The following DPP6 variants were observed in gnomAD, a reference collection of about 807,000 sequenced individuals.
DPP6 encodes the protein dipeptidyl peptidase like 6, also known as A-type potassium channel modulatory protein DPP6.
In DPP6, 69 loss-of-function variants were observed where a neutral mutation model predicts 122.6. The ratio of observed to expected loss-of-function variants is 0.56; its 90% CI spans 0.46 to 0.69. DPP6 has a LOEUF of 0.69. Ranked by LOEUF, DPP6 falls within the 30% of genes least tolerant of loss-of-function variation. The pLI is 0.00. For missense variants in DPP6, 928 were observed against 1,116.9 expected (o/e 0.83, Z 2.41); for synonymous variants, 418 against 433.1 (o/e 0.97, Z 0.43).
chr7:154,198,098 T>TA lies in DPP6; in HGVS notation c.243+145036dup, dbSNP rs1360301901. Among the ~76,000 whole-genome samples, 3 of 152,274 alleles carry TA rather than the reference T, an allele frequency of 2.0e-5. No individual in the cohort carries two copies. The East Asian group carries it at 5.8e-4, about 30-fold the overall frequency. ...CCAGATGGCTGTAGATGTGCAAACT[T>TA]ACGATCATCCTGGAGCACGGGGCCC... is the stretch of plus-strand genomic sequence containing the variant. On this transcript the variant is annotated intron_variant, in intron 1 of 25. Coordinates refer to ENST00000377770, the MANE Select transcript of DPP6 (RefSeq NM_130797.4).
At chr7:154,852,656 A>G (rs370385163) in intron 16 of DPP6, among the ~76,000 whole-genome samples, 1 of 152,236 alleles carries the variant, frequency 6.6e-6, no homozygotes, top group Non-Finnish European at 1.5e-5. Flanking sequence ...ACAGCAGTGA[A>G]TCTGACACAT....
intron 1 of DPP6, among the ~76,000 whole-genome samples, chr7:154,129,304 G>A (rs1420145484): frequency 7.2e-5 from 11 of 152,024 alleles, no homozygotes; most frequent in Non-Finnish European, 1.3e-4. Context: ...TTTGTGCCTC[G>A]GTGTGAAAGC....
intron 5 of DPP6, among the ~76,000 whole-genome samples, chr7:154,610,104 G>T (rs768729006): frequency 6.6e-6 from 1 of 152,142 alleles, no homozygotes; most frequent in Non-Finnish European, 1.5e-5. Flanking sequence ...AATAGTCTCT[G>T]ACCCCTGGAA....
At chr7:154,156,236 C>T (rs1216729780) in intron 1 of DPP6, among the ~76,000 whole-genome samples, 17 of 152,370 alleles carry the variant, frequency 1.1e-4, no homozygotes, top group Middle Eastern at 3.4e-3. Flanking sequence ...TTTTGCAGGC[C>T]GGCATGGTAT....
intron 10 of DPP6, among the ~76,000 whole-genome samples, chr7:154,788,622 G>T (rs753948424): frequency 1.3e-5 from 2 of 152,114 alleles, no homozygotes; most frequent in Non-Finnish European, 2.9e-5. Context: ...GATTATTGTG[G>T]AATTTCGGTT....
At chr7:154,383,907 A>C (rs898440227) in intron 1 of DPP6, among the ~76,000 whole-genome samples, 1 of 151,332 alleles carries the variant, frequency 6.6e-6, no homozygotes. Context: ...AAAAAAAAAA[A>C]AGTGTTAATG....
At chr7:154,151,743 C>T (rs369271911) in intron 1 of DPP6, among the ~76,000 whole-genome samples, 3 of 151,908 alleles carry the variant, frequency 2.0e-5, no homozygotes, top group Non-Finnish European at 4.4e-5. Context: ...CCCGTCTCCC[C>T]TACCCCAGGC....
chr7:154,567,368 G>A (rs1409373412), intron 5 of DPP6, among the ~76,000 whole-genome samples: 3 of 152,094 alleles, frequency 2.0e-5, no homozygotes, highest in African/African-American at 7.2e-5. Context: ...CTATTTAAAT[G>A]CCTATTTTTA....
chr7:154,320,001 A>AATATATATATATATATATATATAT (rs71182894), intron 1 of DPP6, among the ~76,000 whole-genome samples: 3 of 139,314 alleles, frequency 2.2e-5, no homozygotes, highest in African/African-American at 8.3e-5. Flanking sequence ...AAATATTTCA[A>AATATATATATATATATATATATAT]ATATATATAT....
chr7:154,012,443 G>C lies in DPP6; in HGVS notation c.51+124709G>C, dbSNP rs2533861. ...TTAGATGTGACACCAAATGCACAAAGAACAAAGGGAAAACAAGATAAATTG... is the reference window on the plus strand; with the variant it reads ...TTAGATGTGACACCAAATGCACAAACAACAAAGGGAAAACAAGATAAATTG... On this transcript the variant is annotated intron_variant, in intron 1 of 25. Transcript: ENST00000404039. 2.7e-4 allele frequency among the ~76,000 whole-genome samples: 41 copies of C among 152,168 alleles called. 1 individual carries two copies. In the South Asian group the frequency reaches 4.4e-3, roughly 16 times the overall value.
At chr7:154,262,300 T>G (rs1458590086) in intron 1 of DPP6, among the ~76,000 whole-genome samples, 1 of 152,132 alleles carries the variant, frequency 6.6e-6, no homozygotes, top group East Asian at 1.9e-4. Flanking sequence ...TGTGACTGTC[T>G]CTGCAAATCG....
the DPP6 span, among the ~76,000 whole-genome samples, chr7:153,868,319 C>T: frequency 6.6e-6 from 1 of 152,216 alleles, no homozygotes; most frequent in African/African-American, 2.4e-5. Flanking sequence ...ATTATTGCCT[C>T]AATTTCAGAG....
intron 1 of DPP6, among the ~76,000 whole-genome samples, chr7:154,225,585 C>T (rs1800547228): frequency 1.3e-5 from 2 of 151,650 alleles, no homozygotes; most frequent in South Asian, 4.2e-4. Flanking sequence ...AAAAAAAAAT[C>T]TCATTGGTTT....
chr7:154,722,466 A>G (rs969193360), intron 7 of DPP6, among the ~76,000 whole-genome samples: 1 of 152,248 alleles, frequency 6.6e-6, no homozygotes, highest in Non-Finnish European at 1.5e-5. Context: ...TGAAAGTTAC[A>G]TCTTGATTCT....
At chr7:154,632,475 A>AT (rs1301757590) in intron 5 of DPP6, among the ~76,000 whole-genome samples, 1 of 152,128 alleles carries the variant, frequency 6.6e-6, no homozygotes, top group Non-Finnish European at 1.5e-5. Context: ...GGAAAACTAC[A>AT]TTTTCAACTC....
At chr7:153,838,382 G>T in the DPP6 span, among the ~76,000 whole-genome samples, 5 of 152,270 alleles carry the variant, frequency 3.3e-5, no homozygotes, top group African/African-American at 4.8e-5. Flanking sequence ...TTTCAGTGAA[G>T]AATTCAGTGG....
At chr7:154,697,546 A>G (rs1237762550) in intron 7 of DPP6, among the ~76,000 whole-genome samples, 3 of 152,224 alleles carry the variant, frequency 2.0e-5, no homozygotes, top group Non-Finnish European at 4.4e-5. Context: ...CCAGGAAGCC[A>G]AGGATGGGAA....
chr7:154,536,657 C>T (rs1828280583), intron 3 of DPP6, among the ~76,000 whole-genome samples: 1 of 152,080 alleles, frequency 6.6e-6, no homozygotes, highest in African/African-American at 2.4e-5. Context: ...GAAGGAAACT[C>T]ATAAGGGAAA....
chr7:153,937,026 C>T (rs1032865743), intron 1 of DPP6, among the ~76,000 whole-genome samples: 1 of 152,128 alleles, frequency 6.6e-6, no homozygotes, highest in African/African-American at 2.4e-5. Context: ...TTGCAATTGG[C>T]CTCTAGGCAG....
Sources: allele counts gnomAD v4.1 joint callset (sites outside exome capture counted in the v4.1 genomes callset), GRCh38; gene constraint gnomAD v4.1.1; transcripts MANE v1.5; gene names NCBI Gene and HGNC (gene_info 2026-07-23, HGNC 2026-07-21).